The following ELSPBP1 variants were observed in gnomAD, a reference collection of about 807,000 sequenced individuals.
The protein encoded by ELSPBP1 is epididymal sperm binding protein 1.
Under a neutral mutation model 33.3 loss-of-function variants are expected in ELSPBP1, and 38 were observed. That is an observed-to-expected ratio of 1.14 (90% confidence interval 0.88 to 1.50). The LOEUF (loss-of-function observed/expected upper bound fraction) is 1.50. Ranked by LOEUF, ELSPBP1 falls within the 40% of genes most tolerant of loss-of-function variation. The pLI, the probability that ELSPBP1 is intolerant of heterozygous loss-of-function variation, is 0.00. For missense variants in ELSPBP1, 267 were observed against 263.5 expected (o/e 1.01, Z -0.09); for synonymous variants, 85 against 94.1 (o/e 0.90, Z 0.56).
chr19:48,017,266 A>G (rs931083135), intron 4 of ELSPBP1, among the ~76,000 whole-genome samples: 3 of 152,128 alleles, frequency 2.0e-5, no homozygotes, highest in Admixed American at 2.0e-4. Flanking sequence ...TTGCGTAAAA[A>G]TCTTAATTCT....
rs780292149 is a variant in ELSPBP1 at position 48,022,180 on chromosome 19, G to C, written c.525G>C (p.Ala175=). ...CCTTCTGCTTCCTAGGAATTTCCGCGTTGGTCCCTGGCTTTCCTTGTCACT... is the reference window on the plus strand; with the variant it reads ...CCTTCTGCTTCCTAGGAATTTCCGCCTTGGTCCCTGGCTTTCCTTGTCACT... The part of the protein sequence containing the change: ...WSFCADTRIS[A]LVPGFPCHFP... The change falls in exon 6 of 7, where the codon GCG becomes GCC. Residue 175 remains alanine (A), a synonymous_variant. Coordinates refer to ENST00000339841, the MANE Select transcript of ELSPBP1 (RefSeq NM_022142.5). 4 of 1,612,102 alleles carry C rather than the reference G, an allele frequency of 2.5e-6. No homozygotes were observed. The highest frequency in any genetic ancestry group is 3.4e-6 in the Non-Finnish European group (4 of 1,179,128).
intron 1 of ELSPBP1, among the ~76,000 whole-genome samples, chr19:47,999,250 A>C (rs2122288470): frequency 6.6e-6 from 1 of 152,256 alleles, no homozygotes; most frequent in South Asian, 2.1e-4. Flanking sequence ...ACTGTGGTAG[A>C]ATACACATAA....
At chr19:48,010,330 TG>T (rs1967063908) in intron 2 of ELSPBP1, among the ~76,000 whole-genome samples, 1 of 152,212 alleles carries the variant, frequency 6.6e-6, no homozygotes, top group African/African-American at 2.4e-5. Context: ...CATGCCTCCC[TG>T]AGACCACACC....
At chr19:48,017,896 C>CAAAA (rs60130865) in intron 4 of ELSPBP1, among the ~76,000 whole-genome samples, 4 of 66,116 alleles carry the variant, frequency 6.0e-5, no homozygotes, top group African/African-American at 1.2e-4. Context: ...GATCTTGTCT[C>CAAAA]AAAAAAAAAA....
At chr19:48,024,829 T>A (rs1967253486) in intron 6 of ELSPBP1, 123 bp from the exon 7 acceptor site, 1 of 152,326 alleles carries the variant, frequency 6.6e-6, no homozygotes, top group Non-Finnish European at 1.5e-5. Flanking sequence ...GTCTGATTCC[T>A]CTCAGCTCAG....
At chr19:48,008,579 C>T (rs374889906) in intron 1 of ELSPBP1, 72 bp from the exon 2 acceptor site, 31 of 1,041,976 alleles carry the variant, frequency 3.0e-5, no homozygotes, top group Admixed American at 6.2e-5. Flanking sequence ...GCATGTATGA[C>T]GTCAAATCTA....
intron 6 of ELSPBP1, among the ~76,000 whole-genome samples, chr19:48,023,544 GAAGAAAAGGGAAGGGAAAGGA>G (rs1568409635): frequency 6.9e-5 from 5 of 72,490 alleles, no homozygotes; most frequent in East Asian, 8.1e-4. Context: ...AGGAAAGAAG[GAAGAAAAGGGAAGGGAAAGGA>G]AGGGAAGGAA....
chr19:48,000,210 C>T (rs1403905485), intron 1 of ELSPBP1, among the ~76,000 whole-genome samples: 16 of 121,428 alleles, frequency 1.3e-4, no homozygotes, highest in Non-Finnish European at 1.9e-4. Flanking sequence ...TCCCCCACCC[C>T]GGCCGCCCCC....
At chr19:48,001,364 G>A in intron 1 of ELSPBP1, among the ~76,000 whole-genome samples, 1 of 143,782 alleles carries the variant, frequency 7.0e-6, no homozygotes. Flanking sequence ...TTTTTTTGTA[G>A]TAGAGACGTG....
At chr19:48,016,465 C>CTTCTTTCT (rs1196910160) in intron 4 of ELSPBP1, among the ~76,000 whole-genome samples, 2 of 44,596 alleles carry the variant, frequency 4.5e-5, no homozygotes, top group African/African-American at 2.8e-4. Flanking sequence ...CTTTTCTTTC[C>CTTCTTTCT]TTCTTTCTTT....
At chr19:47,998,591 C>A (rs1438522421) in intron 1 of ELSPBP1, among the ~76,000 whole-genome samples, 1 of 151,896 alleles carries the variant, frequency 6.6e-6, no homozygotes, top group African/African-American at 2.4e-5. Context: ...TCGAGACCAT[C>A]CTGGCTAACA....
intron 3 of ELSPBP1, among the ~76,000 whole-genome samples, chr19:48,014,987 G>T (rs535725608): frequency 6.6e-6 from 1 of 152,314 alleles, no homozygotes; most frequent in South Asian, 2.1e-4. Flanking sequence ...GCTGGGCGAG[G>T]TGGCTCATGC....
At chr19:47,998,669 C>CGCTGGCCTACAG (rs1966936141) in intron 1 of ELSPBP1, among the ~76,000 whole-genome samples, 1 of 150,444 alleles carries the variant, frequency 6.6e-6, no homozygotes, top group South Asian at 2.1e-4. Flanking sequence ...CGCCTGTAGT[C>CGCTGGCCTACAG]CCAGCTACGC....
At position 48,022,241 on chromosome 19, in the gene ELSPBP1, T is replaced by C. The variant is rs1967208909; in HGVS notation, c.586T>C (p.Cys196Arg). The change falls in exon 6 of 7, where the codon TGC (cysteine) becomes CGC (arginine). Residue 196 changes from cysteine to arginine, a missense_variant. Physicochemically the swap from Cys to Arg is radical, Grantham distance 180. Coordinates refer to ENST00000339841, the MANE Select transcript of ELSPBP1 (RefSeq NM_022142.5). ...FNYKNKNYFN[C>R]TNEGSKENLV... is the part of the protein sequence containing the mutation. ...CTATAAAAACAAGAATTATTTTAAC[T>C]GCACTAACGAAGGATCAAAGGAGAA... is the stretch of plus-strand genomic sequence containing the variant. 6.2e-7 allele frequency: 1 copy of C among 1,613,880 alleles called. No individual in the cohort carries two copies. The highest frequency in any genetic ancestry group is 1.3e-5 in the African/African-American group (1 of 74,922).
intron 1 of ELSPBP1, among the ~76,000 whole-genome samples, chr19:48,003,583 C>T (rs917964944): frequency 6.7e-6 from 1 of 148,366 alleles, no homozygotes; most frequent in African/African-American, 2.5e-5. Context: ...GTCACCCAGG[C>T]TGGAGTGCAG....
intron 1 of ELSPBP1, among the ~76,000 whole-genome samples, chr19:48,003,346 C>G (rs1966985268): frequency 6.7e-6 from 1 of 149,522 alleles, no homozygotes; most frequent in Non-Finnish European, 1.5e-5. Context: ...TAGCTGGGGT[C>G]AAGGGATCAT....
chr19:48,005,731 G>A (rs1967011170), intron 1 of ELSPBP1, among the ~76,000 whole-genome samples: 1 of 152,174 alleles, frequency 6.6e-6, no homozygotes, highest in Non-Finnish European at 1.5e-5. Flanking sequence ...AGGCAGCATC[G>A]TACATTGGTT....
intron 4 of ELSPBP1, 38 bp from the exon 5 acceptor site, chr19:48,019,681 C>T (rs200271666): frequency 6.3e-7 from 1 of 1,586,400 alleles, no homozygotes. Context: ...TTTTCATCTC[C>T]TCTTCTTGAC....
Position 47,997,965 on chromosome 19 carries a change from G to C in ELSPBP1, c.-18+3154G>C, listed in dbSNP as rs117826361. Among the ~76,000 whole-genome samples, 17 of 152,244 alleles carry C rather than the reference G, an allele frequency of 1.1e-4. No homozygotes were observed. The East Asian group carries it at 3.3e-3, about 29-fold the overall frequency. The stretch of plus-strand genomic sequence containing the variant: ...GATATCAGTGGCTTCTCACATGCCC[G>C]CTCAGGAAAACACTCTGTACATGTA... On this transcript the variant is annotated intron_variant, in intron 1 of 6. Coordinates refer to ENST00000339841, the MANE Select transcript of ELSPBP1 (RefSeq NM_022142.5).
Sources: gnomAD v4.1 joint callset for allele counts (sites outside exome capture counted in the v4.1 genomes callset) on GRCh38, gnomAD v4.1.1 for gene constraint, MANE v1.5 for transcripts, NCBI Gene and HGNC (gene_info 2026-07-23, HGNC 2026-07-21) for gene names.